Variants in CCDC63 observed in about 807,000 individuals in gnomAD.
CCDC63 encodes the protein coiled-coil domain containing 63, also known as coiled-coil domain-containing protein 63.
CCDC63 carries 54 observed loss-of-function variants against 63.6 expected under a neutral mutation model. That is an observed-to-expected ratio of 0.85 (90% confidence interval 0.68 to 1.07). The LOEUF is 1.07. CCDC63 is among the 50% of genes least tolerant of loss of function. The probability of loss-of-function intolerance (pLI) is 0.00; values close to 1 mark genes in which losing one functional copy is unlikely to be tolerated. For missense variants in CCDC63, 637 were observed against 689.6 expected (o/e 0.92, Z 0.86); for synonymous variants, 253 against 266.1 (o/e 0.95, Z 0.48).
chr12:110,880,994 C>A (rs2071199729), intron 6 of CCDC63, 121 bp from the exon 7 acceptor site: 2 of 871,466 alleles, frequency 2.3e-6, no homozygotes, highest in East Asian at 3.0e-5. Flanking sequence ...CACCGAGAAA[C>A]CTTTATGATA....
At chr12:110,900,629 T>C (rs1425102249) in intron 10 of CCDC63, among the ~76,000 whole-genome samples, 4 of 150,502 alleles carry the variant, frequency 2.7e-5, no homozygotes, top group Non-Finnish European at 5.9e-5. Context: ...AGATGGAGTC[T>C]CACTCTGTCA....
chr12:110,872,610 A>T (rs2136681975), intron 4 of CCDC63, among the ~76,000 whole-genome samples: 1 of 152,336 alleles, frequency 6.6e-6, no homozygotes, highest in Non-Finnish European at 1.5e-5. Context: ...GTGTGTACAT[A>T]GAAAAGATAG....
chr12:110,859,408 G>A (rs2070822818), intron 4 of CCDC63, among the ~76,000 whole-genome samples: 1 of 152,078 alleles, frequency 6.6e-6, no homozygotes, highest in Non-Finnish European at 1.5e-5. Context: ...CTGGGTTCAA[G>A]TGATTCTCAT....
chr12:110,853,954 T>C (rs1041232544), intron 3 of CCDC63, among the ~76,000 whole-genome samples: 1 of 152,176 alleles, frequency 6.6e-6, no homozygotes, highest in Non-Finnish European at 1.5e-5. Context: ...GCTCTCAAGT[T>C]TACCAGCTGC....
intron 3 of CCDC63, 71 bp from the exon 4 acceptor site, chr12:110,858,515 G>A: frequency 7.2e-7 from 1 of 1,384,824 alleles, no homozygotes; most frequent in Non-Finnish European, 9.9e-7. Context: ...TTGCAGGGCT[G>A]ATGTGCCTGG....
At chr12:110,901,150 A>G (rs1367736725) in intron 10 of CCDC63, among the ~76,000 whole-genome samples, 1 of 152,148 alleles carries the variant, frequency 6.6e-6, no homozygotes, top group Non-Finnish European at 1.5e-5. Flanking sequence ...TTTTTTTTAA[A>G]TTTTGTGGGT....
chr12:110,864,803 T>C (rs886673970), intron 4 of CCDC63, among the ~76,000 whole-genome samples: 5 of 152,114 alleles, frequency 3.3e-5, no homozygotes, highest in African/African-American at 1.2e-4. Flanking sequence ...CCTTCCCTGA[T>C]AGATGACTGG....
At chr12:110,865,476 A>AAAAG (rs1555252947) in intron 4 of CCDC63, among the ~76,000 whole-genome samples, 1 of 151,514 alleles carries the variant, frequency 6.6e-6, no homozygotes, top group Non-Finnish European at 1.5e-5. Context: ...AAAAAAAAAA[A>AAAAG]AAAAAAGAAA....
chr12:110,854,439 C>T (rs1343053437), intron 3 of CCDC63, among the ~76,000 whole-genome samples: 2 of 151,660 alleles, frequency 1.3e-5, no homozygotes, highest in South Asian at 2.1e-4. Flanking sequence ...GGATTACAGG[C>T]GCCCACCACC....
chr12:110,868,735 GAGA>G (rs2071017555), intron 4 of CCDC63, among the ~76,000 whole-genome samples: 36 of 116,026 alleles, frequency 3.1e-4, no homozygotes, highest in South Asian at 2.3e-3. Flanking sequence ...GAGAGGGAGG[GAGA>G]GGGAGAGGGG....
chr12:110,862,413 A>G (rs946134784), intron 4 of CCDC63, among the ~76,000 whole-genome samples: 1 of 152,234 alleles, frequency 6.6e-6, no homozygotes, highest in Non-Finnish European at 1.5e-5. Flanking sequence ...AAAATAGTTA[A>G]TAAGCCGATG....
Position 110,878,332 on chromosome 12 carries a change from T to C in CCDC63, c.490-1574T>C, listed in dbSNP as rs1285253465. Among the ~76,000 whole-genome samples the C allele has an allele frequency of 2.6e-5, 4 of 152,132 alleles. No homozygotes were observed. The East Asian group carries it at 7.7e-4, about 29-fold the overall frequency. On this transcript the variant is annotated intron_variant, in intron 5 of 11. Coordinates refer to ENST00000308208, the MANE Select transcript of CCDC63 (RefSeq NM_152591.3). ...CTCACACACCCCAATTTCTTGTTTT[T>C]GAAACAAAGTCTCACTCTGTTGCCC...
intron 5 of CCDC63, among the ~76,000 whole-genome samples, chr12:110,875,446 A>C (rs1027251890): frequency 1.4e-5 from 2 of 145,604 alleles, no homozygotes; most frequent in African/African-American, 5.0e-5. Context: ...TATAGGTATA[A>C]TTTTTTTTTT....
At chr12:110,892,670 G>C (rs111920479) in intron 8 of CCDC63, among the ~76,000 whole-genome samples, 2,225 of 152,112 alleles carry the variant, frequency 0.015, 48 homozygotes, top group African/African-American at 0.051. Flanking sequence ...AATACAAAAA[G>C]CTGGGCTTGG....
intron 6 of CCDC63, among the ~76,000 whole-genome samples, chr12:110,880,295 G>A (rs536308453): frequency 6.6e-6 from 1 of 152,162 alleles, no homozygotes; most frequent in African/African-American, 2.4e-5. Flanking sequence ...ACTGCCCTAG[G>A]AATTATTATC....
chr12:110,897,729 C>CT (rs1355321202), intron 9 of CCDC63, among the ~76,000 whole-genome samples: 1 of 143,778 alleles, frequency 7.0e-6, no homozygotes, highest in African/African-American at 2.7e-5. Context: ...TGTGGACCAC[C>CT]TTGTTTTTTT....
At chr12:110,857,193 C>T (rs532128146) in intron 3 of CCDC63, among the ~76,000 whole-genome samples, 1 of 151,768 alleles carries the variant, frequency 6.6e-6, no homozygotes, top group East Asian at 2.0e-4. Context: ...GTGGCGCGAT[C>T]GCAACTCACT....
chr12:110,875,717 T>G (rs1440168942), intron 5 of CCDC63, among the ~76,000 whole-genome samples: 1 of 152,242 alleles, frequency 6.6e-6, no homozygotes, highest in Non-Finnish European at 1.5e-5. Context: ...TTTTTATATT[T>G]CTGAGAGGTC....
At chr12:110,893,602 C>A (rs1409915345) in intron 9 of CCDC63, among the ~76,000 whole-genome samples, 1 of 152,160 alleles carries the variant, frequency 6.6e-6, no homozygotes, top group African/African-American at 2.4e-5. Context: ...CTTGCACTTT[C>A]ATTGAATCCT....
Sources: gnomAD v4.1 joint callset for allele counts (sites outside exome capture counted in the v4.1 genomes callset) on GRCh38, gnomAD v4.1.1 for gene constraint, MANE v1.5 for transcripts, NCBI Gene and HGNC (gene_info 2026-07-23, HGNC 2026-07-21) for gene names.